GBF1: variants seen among roughly 807,000 people sequenced by gnomAD.
The protein encoded by GBF1 is golgi brefeldin A resistant guanine nucleotide exchange factor 1.
GBF1 carries 114 observed loss-of-function variants against 210.5 expected under a neutral mutation model. That is an observed-to-expected ratio of 0.54 (90% confidence interval 0.47 to 0.63). The LOEUF is 0.63. Among genes scored for constraint, GBF1 ranks in the 30% least tolerant of loss-of-function variants. The probability of loss-of-function intolerance (pLI) is 0.00; values close to 1 mark genes in which losing one functional copy is unlikely to be tolerated. For missense variants in GBF1, 1,851 were observed against 2,357.7 expected, an observed-to-expected ratio of 0.79 and a Z score of 4.45; for synonymous variants, 850 against 889.2, an observed-to-expected ratio of 0.96 and a Z score of 0.78.
In GBF1 at chr10:102,306,401, C is replaced by T. The variant is rs367891072; in HGVS notation, c.164-37650C>T. On this transcript the variant is annotated intron_variant, in intron 3 of 39. Transcript: ENST00000369983. ...TTTCTTCCACCCTTATGTGATTGCT[C>T]TGGGAGGGACTGTCTCTTTATTTGT... Among the ~76,000 whole-genome samples the T allele has an allele frequency of 3.9e-5, 6 of 152,200 alleles. No homozygotes were observed. In the South Asian group the frequency reaches 6.2e-4, roughly 16 times the overall value.
intron 1 of GBF1, among the ~76,000 whole-genome samples, chr10:102,250,431 A>G (rs1321869461): frequency 6.6e-6 from 1 of 151,260 alleles, no homozygotes; most frequent in Non-Finnish European, 1.5e-5. Context: ...ATCATAGCCC[A>G]TTGCAGCCTT....
At chr10:102,253,648 G>A (rs866978615) in intron 1 of GBF1, among the ~76,000 whole-genome samples, 37 of 152,024 alleles carry the variant, frequency 2.4e-4, no homozygotes, top group African/African-American at 8.0e-4. Flanking sequence ...CAAGTAGCTG[G>A]GACTACAGGC....
chr10:102,368,332 T>G lies in GBF1; in HGVS notation c.2757T>G (p.Pro919=), dbSNP rs565813202. The G allele has an allele frequency of 5.0e-5, 81 of 1,613,510 alleles. 3 individuals are homozygous for G. In the South Asian group the frequency reaches 7.9e-4, roughly 16 times the overall value. The change falls in exon 22 of 40, where the codon CCT becomes CCG. Residue 919 remains proline (P), a synonymous_variant. Transcript: ENST00000369983. ...ATPEGIFLRV[P]TASYDLDLFT... is the part of the protein sequence containing the mutation. ...CTGAGGGCATATTCCTGCGTGTGCC[T>G]ACTGCCAGCTATGATCTTGACCTCT... is the stretch of plus-strand genomic sequence containing the variant.
chr10:102,332,299 A>G (rs2057393002), intron 3 of GBF1, among the ~76,000 whole-genome samples: 1 of 152,126 alleles, frequency 6.6e-6, no homozygotes, highest in Non-Finnish European at 1.5e-5. Context: ...GCAACCATCC[A>G]CTTAATTTTT....
chr10:102,285,921 A>G (rs1214021881), intron 3 of GBF1, among the ~76,000 whole-genome samples: 1 of 152,116 alleles, frequency 6.6e-6, no homozygotes. Flanking sequence ...ATCTCCTTGA[A>G]ATATTATAAA....
In GBF1 at chr10:102,369,369, G is replaced by C. The variant is rs148169928; in HGVS notation, c.3132G>C (p.Leu1044=). 3 of 1,613,152 alleles carry C rather than the reference G, an allele frequency of 1.9e-6. No homozygotes were observed. Among genetic ancestry groups the C allele is most frequent in the Non-Finnish European group, 2.5e-6 (3 of 1,179,272 alleles). Residue 1044 remains leucine (L), a synonymous_variant, in exon 24 of 40, where the codon CTG becomes CTC. Coordinates refer to ENST00000369983, the MANE Select transcript of GBF1 (RefSeq NM_001377137.1). The part of the protein sequence containing the change: ...AMLQLFRAQL[L]PKAMIEVEDF... ...TGCAGCTCTTCCGAGCCCAACTACT[G>C]CCCAAGGCTATGATAGAGGTAATTC...
chr10:102,291,747 CAGAT>C (rs797016021), intron 3 of GBF1, among the ~76,000 whole-genome samples: 7 of 152,290 alleles, frequency 4.6e-5, no homozygotes, highest in African/African-American at 1.7e-4. Context: ...ATGCCTTGGA[CAGAT>C]GGATGGGGAG....
At chr10:102,313,968 T>C (rs2078705437) in intron 3 of GBF1, among the ~76,000 whole-genome samples, 1 of 152,030 alleles carries the variant, frequency 6.6e-6, no homozygotes, top group Non-Finnish European at 1.5e-5. Context: ...TATTAAACTC[T>C]TGGTAACAGT....
intron 4 of GBF1, among the ~76,000 whole-genome samples, chr10:102,347,889 C>T (rs2058681616): frequency 6.6e-6 from 1 of 152,096 alleles, no homozygotes; most frequent in African/African-American, 2.4e-5. Flanking sequence ...CAAGCCTTGC[C>T]TATGGTTCTT....
At chr10:102,296,325 A>AC (rs1038766008) in intron 3 of GBF1, among the ~76,000 whole-genome samples, 9 of 151,892 alleles carry the variant, frequency 5.9e-5, no homozygotes, top group Non-Finnish European at 1.3e-4. Flanking sequence ...AACCTTGACT[A>AC]TTTTTTTTAG....
At chr10:102,260,669 G>A (rs924165444) in intron 3 of GBF1, among the ~76,000 whole-genome samples, 4 of 151,306 alleles carry the variant, frequency 2.6e-5, no homozygotes, top group African/African-American at 9.7e-5. Context: ...GTAGAGACGG[G>A]GTTTCACCAT....
chr10:102,309,991 T>C (rs1026473841), intron 3 of GBF1, among the ~76,000 whole-genome samples: 1 of 152,234 alleles, frequency 6.6e-6, no homozygotes, highest in African/African-American at 2.4e-5. Flanking sequence ...CCAACTGTAT[T>C]TTAAACATAT....
intron 3 of GBF1, among the ~76,000 whole-genome samples, chr10:102,276,016 C>T (rs940979645): frequency 5.3e-5 from 8 of 152,054 alleles, no homozygotes; most frequent in Non-Finnish European, 1.0e-4. Flanking sequence ...GCAGGTGGAT[C>T]ACCTGAGGTT....
At chr10:102,346,482 GTGCCAACT>G (rs1242195895) in intron 4 of GBF1, among the ~76,000 whole-genome samples, 1 of 152,072 alleles carries the variant, frequency 6.6e-6, no homozygotes, top group Non-Finnish European at 1.5e-5. Context: ...AGTTTTATTT[GTGCCAACT>G]TGGTAAGTAA....
At chr10:102,326,358 A>C (rs1303346280) in intron 3 of GBF1, among the ~76,000 whole-genome samples, 1 of 152,210 alleles carries the variant, frequency 6.6e-6, no homozygotes, top group Non-Finnish European at 1.5e-5. Flanking sequence ...TTTTCTACAA[A>C]GGTTGCCCAA....
chr10:102,288,728 A>C (rs1158326222), intron 3 of GBF1, among the ~76,000 whole-genome samples: 2 of 145,428 alleles, frequency 1.4e-5, no homozygotes, highest in Non-Finnish European at 3.1e-5. Context: ...AAAGGAAAAA[A>C]AAAAAAACAA....
At chr10:102,305,009 GAA>G (rs2077720313) in intron 3 of GBF1, among the ~76,000 whole-genome samples, 1 of 150,688 alleles carries the variant, frequency 6.6e-6, no homozygotes, top group African/African-American at 2.4e-5. Context: ...AAGAAAGAAA[GAA>G]AGAAAGAAAA....
chr10:102,269,682 A>T (rs996437715), intron 3 of GBF1, among the ~76,000 whole-genome samples: 4 of 152,154 alleles, frequency 2.6e-5, no homozygotes, highest in Non-Finnish European at 5.9e-5. Flanking sequence ...GAGACCCTTG[A>T]CAAGAGGATG....
chr10:102,338,237 C>T (rs200323877), intron 3 of GBF1, among the ~76,000 whole-genome samples: 5 of 114,164 alleles, frequency 4.4e-5, no homozygotes, highest in African/African-American at 1.0e-4. Context: ...CAACCTTCTT[C>T]TTTTTTTTTT....
Sources: gnomAD v4.1 joint callset for allele counts (sites outside exome capture counted in the v4.1 genomes callset) on GRCh38, gnomAD v4.1.1 for gene constraint, MANE v1.5 for transcripts, NCBI Gene and HGNC (gene_info 2026-07-23, HGNC 2026-07-21) for gene names.